The following NPAS3 variants were observed in gnomAD, a reference collection of about 807,000 sequenced individuals.
The protein encoded by NPAS3 is neuronal PAS domain protein 3, also known as neuronal PAS domain-containing protein 3.
In NPAS3, 14 loss-of-function variants were observed where a neutral mutation model predicts 73.1. The ratio of observed to expected loss-of-function variants is 0.19; its 90% confidence interval spans 0.13 to 0.30. The LOEUF (loss-of-function observed/expected upper bound fraction) is 0.30. Ranked by LOEUF, NPAS3 falls within the 10% of genes least tolerant of loss-of-function variation. The pLI, the probability that NPAS3 is intolerant of heterozygous loss-of-function variation, is 1.00. For synonymous variants in NPAS3, 620 were observed against 541.5 expected (o/e 1.14, Z -2.01); for missense variants, 1,096 against 1,250.0 (o/e 0.88, Z 1.86).
chr14:33,299,442 G>A (rs906662484), intron 3 of NPAS3, among the ~76,000 whole-genome samples: 19 of 151,996 alleles, frequency 1.3e-4, no homozygotes, highest in Admixed American at 2.6e-4. Context: ...ACACAGCTTC[G>A]GTGGTATTGG....
rs193115171 is a variant in NPAS3 at position 33,391,244 on chromosome 14, A to G, written c.468+23976A>G. On this transcript the variant is annotated intron_variant, in intron 4 of 11. Transcript: ENST00000356141. ...GTTTCACTCTTGTTGCCCAGGCTGG[A>G]GTGCAATGGCGCGATCTCGGCTTAC... Among the ~76,000 whole-genome samples, 249 of 124,498 alleles carry G rather than the reference A, an allele frequency of 2.0e-3. 2 individuals are homozygous for G. Among genetic ancestry groups the G allele is most frequent in the African/African-American group, 6.7e-3 (211 of 31,626 alleles). 81.7% of individuals were successfully genotyped at this position (124,498 alleles called of 152,430 possible).
In NPAS3 at chr14:33,680,555, T is replaced by A. The variant is rs1259969474; in HGVS notation, c.733+4170T>A. ...ATGCATATACTTCTGGTAACTAGCTTTTTCATTTTCATGTTTCTCTAAGAT... is the reference window on the plus strand; with the variant it reads ...ATGCATATACTTCTGGTAACTAGCTATTTCATTTTCATGTTTCTCTAAGAT... On this transcript the variant is annotated intron_variant, in intron 6 of 11. Transcript: ENST00000356141. 3 of 701,226 alleles carry A rather than the reference T, an allele frequency of 4.3e-6. No homozygotes were observed. The African/African-American group carries it at 5.3e-5, about 12-fold the overall frequency. The allele number at this position is 701,226 out of a possible 1,614,324, so 43.4% of individuals were successfully genotyped here. A position where few individuals can be genotyped will look rare whatever the true frequency, so the allele number is the denominator to read the frequency against.
At chr14:33,750,962 C>G (rs945372289) in intron 7 of NPAS3, among the ~76,000 whole-genome samples, 1 of 152,066 alleles carries the variant, frequency 6.6e-6, no homozygotes, top group South Asian at 2.1e-4. Context: ...GGCTCACCTA[C>G]AGAGATATGA....
At chr14:33,055,914 C>T in exon 2 of NPAS3, 1 of 810,082 alleles carries the variant, frequency 1.2e-6, no homozygotes. Flanking sequence ...GAATAACTGC[C>T]CAGCATCCTC....
chr14:33,661,465 G>A (rs927133831), intron 5 of NPAS3, among the ~76,000 whole-genome samples: 4 of 152,244 alleles, frequency 2.6e-5, no homozygotes, highest in South Asian at 2.1e-4. Context: ...TATTCTCTGC[G>A]CAATCACAGA....
intron 3 of NPAS3, among the ~76,000 whole-genome samples, chr14:33,262,515 C>A (rs537854355): frequency 6.6e-6 from 1 of 152,232 alleles, no homozygotes; most frequent in East Asian, 1.9e-4. Context: ...TCAATCAAAT[C>A]ATGATGAAAT....
At chr14:33,428,599 T>C (rs936743884) in intron 4 of NPAS3, among the ~76,000 whole-genome samples, 18 of 152,138 alleles carry the variant, frequency 1.2e-4, no homozygotes, top group Non-Finnish European at 1.3e-4. Flanking sequence ...GATTAGGAAA[T>C]GTTCCTTTAT....
chr14:33,382,393 G>T (rs2046594929), intron 4 of NPAS3, among the ~76,000 whole-genome samples: 1 of 152,064 alleles, frequency 6.6e-6, no homozygotes, highest in Admixed American at 6.6e-5. Context: ...GATCCTTCTG[G>T]ATTATTGTAA....
intron 5 of NPAS3, among the ~76,000 whole-genome samples, chr14:33,573,068 G>A (rs1291408130): frequency 6.6e-6 from 1 of 150,458 alleles, no homozygotes; most frequent in Non-Finnish European, 1.5e-5. Flanking sequence ...TGCTAATGGT[G>A]TAAATGAACT....
intron 3 of NPAS3, among the ~76,000 whole-genome samples, chr14:33,257,458 G>C (rs902554036): frequency 3.9e-5 from 6 of 152,100 alleles, no homozygotes; most frequent in African/African-American, 1.2e-4. Flanking sequence ...CCTTGAAACA[G>C]ACCTAAAATA....
At chr14:33,164,588 A>G (rs542030486) in intron 2 of NPAS3, among the ~76,000 whole-genome samples, 5 of 152,344 alleles carry the variant, frequency 3.3e-5, no homozygotes, top group African/African-American at 7.2e-5. Flanking sequence ...TAGTGGAATA[A>G]TAATAATGGC....
intron 1 of NPAS3, among the ~76,000 whole-genome samples, chr14:33,052,092 A>G (rs375041755): frequency 5.3e-4 from 80 of 152,314 alleles, no homozygotes; most frequent in African/African-American, 1.7e-3. Flanking sequence ...TCAGTAAGAT[A>G]GTTCAAAATT....
chr14:33,395,012 T>C (rs1436880627), intron 4 of NPAS3, among the ~76,000 whole-genome samples: 1 of 152,126 alleles, frequency 6.6e-6, no homozygotes, highest in Admixed American at 6.6e-5. Context: ...AGCTAGAAAA[T>C]TATAACAATT....
chr14:33,322,579 T>A (rs998419459), intron 3 of NPAS3, among the ~76,000 whole-genome samples: 3 of 151,852 alleles, frequency 2.0e-5, no homozygotes, highest in African/African-American at 7.3e-5. Context: ...AGTCTTTTTG[T>A]CATTGACGTT....
chr14:33,543,715 C>T (rs1312568355), intron 4 of NPAS3, among the ~76,000 whole-genome samples: 4 of 152,092 alleles, frequency 2.6e-5, no homozygotes, highest in African/African-American at 9.7e-5. Context: ...ATCTTCTTGT[C>T]CCACCTCTGC....
intron 1 of NPAS3, among the ~76,000 whole-genome samples, chr14:32,979,138 A>G (rs540782196): frequency 2.0e-5 from 3 of 152,340 alleles, no homozygotes; most frequent in South Asian, 4.1e-4. Flanking sequence ...AGCTTAGTGC[A>G]GTACCTGCCA....
chr14:33,057,157 A>G (rs1348810741), intron 2 of NPAS3, among the ~76,000 whole-genome samples: 1 of 152,194 alleles, frequency 6.6e-6, no homozygotes, highest in Non-Finnish European at 1.5e-5. Flanking sequence ...ACTGTTCCCT[A>G]CCTAGCATGG....
At chr14:33,227,015 C>T (rs1033056561) in intron 3 of NPAS3, among the ~76,000 whole-genome samples, 3 of 151,996 alleles carry the variant, frequency 2.0e-5, no homozygotes. Flanking sequence ...TATTATTTTC[C>T]ATTTTGAAAA....
intron 2 of NPAS3, among the ~76,000 whole-genome samples, chr14:33,062,389 T>C (rs949698922): frequency 6.6e-6 from 1 of 152,142 alleles, no homozygotes; most frequent in Non-Finnish European, 1.5e-5. Context: ...ACTCTCCCAA[T>C]GTGAAATCCG....
Sources: allele counts gnomAD v4.1 joint callset (sites outside exome capture counted in the v4.1 genomes callset), GRCh38; gene constraint gnomAD v4.1.1; transcripts MANE v1.5; gene names NCBI Gene and HGNC (gene_info 2026-07-23, HGNC 2026-07-21).